Variants in PPM1H observed in about 807,000 individuals in gnomAD.
PPM1H encodes the protein protein phosphatase, Mg2+/Mn2+ dependent 1H.
In PPM1H, 27 loss-of-function variants were observed where a neutral mutation model predicts 54.9. The ratio of observed to expected loss-of-function variants is 0.49; its 90% CI spans 0.36 to 0.68. The LOEUF (loss-of-function observed/expected upper bound fraction) is 0.68, where lower values mean the gene tolerates loss of function less well. PPM1H is among the 30% of genes least tolerant of loss of function. The probability of loss-of-function intolerance (pLI) is 0.00; values close to 1 mark genes in which losing one functional copy is unlikely to be tolerated. For synonymous variants in PPM1H, 305 were observed against 270.8 expected (o/e 1.13, Z -1.24); for missense variants, 596 against 667.8 (o/e 0.89, Z 1.19).
At position 62,737,205 on chromosome 12, in the gene PPM1H, A is replaced by G. The variant is rs184865258; in HGVS notation, c.954+297T>C. Among the ~76,000 whole-genome samples the G allele has an allele frequency of 4.2e-4, 59 of 139,968 alleles. 1 individual carries two copies. In the East Asian group the frequency reaches 0.012, roughly 29 times the overall value. 91.8% of individuals were successfully genotyped at this position (139,968 alleles called of 152,430 possible). A position where few individuals can be genotyped will look rare whatever the true frequency, so the allele number is the denominator to read the frequency against. On this transcript the variant is annotated intron_variant, in intron 5 of 9. Transcript: ENST00000228705. ...TTCAAAACTGCATTTCACATTGTAC[A>G]TAAGAAGCCATTAAAAAAAAAAAAA...
chr12:62,730,265 C>T (rs1037401769), intron 5 of PPM1H, among the ~76,000 whole-genome samples: 25 of 152,262 alleles, frequency 1.6e-4, no homozygotes, highest in African/African-American at 5.8e-4. Flanking sequence ...ATGGAAGTTT[C>T]CCGTTTAAGC....
intron 4 of PPM1H, among the ~76,000 whole-genome samples, chr12:62,741,156 G>A (rs1051758914): frequency 2.6e-5 from 4 of 152,034 alleles, no homozygotes; most frequent in African/African-American, 9.6e-5. Context: ...CTAGTTGCTC[G>A]TCCCAGAAGA....
chr12:62,816,213 G>A (rs536881), intron 2 of PPM1H, among the ~76,000 whole-genome samples: 15,094 of 109,724 alleles, frequency 0.14, 2,068 homozygotes, highest in African/African-American at 0.4. Flanking sequence ...TGCCTGGGTC[G>A]AATCAAGATC....
At chr12:62,769,329 C>T (rs2076564290) in intron 4 of PPM1H, among the ~76,000 whole-genome samples, 1 of 152,140 alleles carries the variant, frequency 6.6e-6, no homozygotes, top group Admixed American at 6.5e-5. Context: ...ACCAGAATAC[C>T]GCTTTACCCT....
intron 2 of PPM1H, among the ~76,000 whole-genome samples, chr12:62,812,567 A>C (rs1592611900): frequency 6.6e-6 from 1 of 152,102 alleles, no homozygotes; most frequent in East Asian, 1.9e-4. Context: ...TATGCAATTT[A>C]TAACACACAA....
chr12:62,684,716 A>G (rs2076042062), intron 8 of PPM1H, among the ~76,000 whole-genome samples: 1 of 152,190 alleles, frequency 6.6e-6, no homozygotes, highest in African/African-American at 2.4e-5. Context: ...AAGACAGAAC[A>G]TAGCAGGGGA....
chr12:62,924,765 G>A (rs889957515), intron 1 of PPM1H, among the ~76,000 whole-genome samples: 3 of 152,194 alleles, frequency 2.0e-5, no homozygotes, highest in Non-Finnish European at 2.9e-5. Context: ...CAATTAGCCG[G>A]GTGTGGTGGC....
At chr12:62,714,199 TA>T (rs1249057055) in intron 6 of PPM1H, among the ~76,000 whole-genome samples, 1 of 152,170 alleles carries the variant, frequency 6.6e-6, no homozygotes, top group Non-Finnish European at 1.5e-5. Flanking sequence ...GAGATGTGGC[TA>T]GGGCAACTCG....
At chr12:62,879,175 T>A (rs1870301120) in intron 1 of PPM1H, among the ~76,000 whole-genome samples, 1 of 152,208 alleles carries the variant, frequency 6.6e-6, no homozygotes, top group African/African-American at 2.4e-5. Flanking sequence ...AGGAAGTGTT[T>A]CTTTCGCTAT....
intron 6 of PPM1H, among the ~76,000 whole-genome samples, chr12:62,695,393 A>G (rs1194101771): frequency 6.6e-6 from 1 of 152,166 alleles, no homozygotes; most frequent in Non-Finnish European, 1.5e-5. Context: ...GATTATTGCA[A>G]AGATTAAAAT....
At chr12:62,759,718 C>T (rs918660497) in intron 4 of PPM1H, among the ~76,000 whole-genome samples, 4 of 151,604 alleles carry the variant, frequency 2.6e-5, no homozygotes, top group African/African-American at 9.7e-5. Flanking sequence ...GTCTCTACCC[C>T]TTCTCCACTT....
At chr12:62,818,426 C>A (rs2076883185) in intron 2 of PPM1H, among the ~76,000 whole-genome samples, 3 of 151,976 alleles carry the variant, frequency 2.0e-5, no homozygotes, top group Middle Eastern at 3.4e-3. Flanking sequence ...GTGCACAAAT[C>A]TTGAGCTGGT....
At chr12:62,703,244 C>T (rs2076154072) in intron 6 of PPM1H, among the ~76,000 whole-genome samples, 1 of 152,126 alleles carries the variant, frequency 6.6e-6, no homozygotes, top group Non-Finnish European at 1.5e-5. Context: ...AGGAGCATAC[C>T]CGTGCAACTT....
rs570007558 is a variant in PPM1H at position 62,645,859 on chromosome 12, C to T, written c.*2630G>A. On this transcript the variant is annotated 3_prime_UTR_variant, in exon 10 of 10. Coordinates refer to ENST00000228705, the MANE Select transcript of PPM1H (RefSeq NM_020700.2). ...TGTATAAATACGTTCTGCAGAATTT[C>T]GAAGTGTGCGTCCTTTGACTTTTCC... 2.6e-5 allele frequency: 4 copies of T among 152,302 alleles called. No homozygotes were observed. The highest frequency in any genetic ancestry group is 3.9e-4 in the East Asian group (2 of 5,170). The allele number at this position is 152,302 out of a possible 1,614,324, so 9.4% of individuals were successfully genotyped here. A position where few individuals can be genotyped will look rare whatever the true frequency, so the allele number is the denominator to read the frequency against.
rs559834036 is a variant in PPM1H, at chr12:62,726,936, C to CA, written c.955-6648dup. On this transcript the variant is annotated intron_variant, in intron 5 of 9. Coordinates refer to ENST00000228705, the MANE Select transcript of PPM1H (RefSeq NM_020700.2). Reference sequence around the variant, plus strand: ...ATTTACTGACTTTTTTTTTTTGAGACAGAGTTTCACTCTTGTCACCCAGGC... The same window carrying CA: ...ATTTACTGACTTTTTTTTTTTGAGACAAGAGTTTCACTCTTGTCACCCAGGC... Among the ~76,000 whole-genome samples the CA allele has an allele frequency of 2.2e-4, 33 of 151,596 alleles. 1 individual carries two copies. The South Asian group carries it at 3.7e-3, about 17-fold the overall frequency.
chr12:62,891,300 G>C (rs1870789019), intron 1 of PPM1H, among the ~76,000 whole-genome samples: 1 of 151,992 alleles, frequency 6.6e-6, no homozygotes, highest in Admixed American at 6.6e-5. Context: ...CTCAGTGCCT[G>C]GTACATTTAT....
At chr12:62,921,539 C>A (rs1565829944) in intron 1 of PPM1H, among the ~76,000 whole-genome samples, 1 of 152,204 alleles carries the variant, frequency 6.6e-6, no homozygotes, top group Non-Finnish European at 1.5e-5. Flanking sequence ...AGAGACCATG[C>A]TGCCAAAGAC....
chr12:62,822,250 A>T lies in PPM1H; in HGVS notation c.411+9864T>A, dbSNP rs529582708. On this transcript the variant is annotated intron_variant, in intron 2 of 9. Transcript: ENST00000228705. The stretch of plus-strand genomic sequence containing the variant: ...ACCCAATACAGGAGCACCCAGATTC[A>T]TAAAGCAAGTCCTTAGGGACCTACA... Among the ~76,000 whole-genome samples the T allele has an allele frequency of 5.3e-5, 8 of 152,346 alleles. No homozygotes were observed. The South Asian group carries it at 1.7e-3, about 32-fold the overall frequency.
intron 2 of PPM1H, among the ~76,000 whole-genome samples, chr12:62,816,441 GT>G (rs1300797283): frequency 6.6e-6 from 1 of 152,150 alleles, no homozygotes; most frequent in African/African-American, 2.4e-5. Context: ...ACTACATTTG[GT>G]TTATTTAGCA....
Sources: gnomAD v4.1 joint callset for allele counts (sites outside exome capture counted in the v4.1 genomes callset) on GRCh38, gnomAD v4.1.1 for gene constraint, MANE v1.5 for transcripts, NCBI Gene and HGNC (gene_info 2026-07-23, HGNC 2026-07-21) for gene names.